Variants in CNTNAP3B observed in about 807,000 individuals in gnomAD.
The protein encoded by CNTNAP3B is contactin-associated protein-like 3B.
Under a neutral mutation model 108.9 loss-of-function variants are expected in CNTNAP3B, and 25 were observed. The ratio of observed to expected loss-of-function variants is 0.23; its 90% CI spans 0.17 to 0.32. The LOEUF (loss-of-function observed/expected upper bound fraction) is 0.32. Ranked by LOEUF, CNTNAP3B falls within the 10% of genes least tolerant of loss-of-function variation. The pLI, the probability that CNTNAP3B is intolerant of heterozygous loss-of-function variation, is 1.00. For missense variants in CNTNAP3B, 252 were observed against 1,210.4 expected, an observed-to-expected ratio of 0.21 and a Z score of 11.75; for synonymous variants, 103 against 473.4, an observed-to-expected ratio of 0.22 and a Z score of 10.16.
At chr9:42,051,722 CTTTT>C (rs1196622698) in intron 3 of CNTNAP3B, among the ~76,000 whole-genome samples, 1 of 148,384 alleles carries the variant, frequency 6.7e-6, no homozygotes, top group East Asian at 2.0e-4. Flanking sequence ...GGCCGTTTAA[CTTTT>C]TTTATTATTT....
intron 3 of CNTNAP3B, among the ~76,000 whole-genome samples, chr9:42,042,087 G>C (rs1587224256): frequency 7.0e-6 from 1 of 141,898 alleles, no homozygotes; most frequent in East Asian, 2.1e-4. Context: ...GGCCTGTCGT[G>C]GGGTGGTGGG....
intron 7 of CNTNAP3B, among the ~76,000 whole-genome samples, chr9:41,995,437 C>A (rs1426986474): frequency 9.1e-6 from 1 of 109,560 alleles, no homozygotes; most frequent in African/African-American, 4.0e-5. Context: ...AAGACTGCAT[C>A]TCAAAACAAA....
chr9:41,957,907 C>A (rs1196717889), intron 12 of CNTNAP3B, among the ~76,000 whole-genome samples: 6 of 151,984 alleles, frequency 3.9e-5, no homozygotes, highest in African/African-American at 1.4e-4. Context: ...ACTACAGGCA[C>A]CCGCCACTAC....
intron 1 of CNTNAP3B, among the ~76,000 whole-genome samples, chr9:42,113,213 G>T (rs1477030666): frequency 7.4e-6 from 1 of 134,482 alleles, no homozygotes; most frequent in Non-Finnish European, 1.6e-5. Context: ...GCTGGATTGA[G>T]ATGAGATAAT....
chr9:41,927,473 G>GGGAAGGAT (rs1554737876), intron 15 of CNTNAP3B, among the ~76,000 whole-genome samples: 1 of 130,258 alleles, frequency 7.7e-6, no homozygotes, highest in Admixed American at 7.7e-5. Flanking sequence ...GGAGGGAGTG[G>GGGAAGGAT]GGAAGGAAGG....
intron 2 of CNTNAP3B, among the ~76,000 whole-genome samples, chr9:42,086,978 CTTT>C (rs1266070533): frequency 2.4e-5 from 3 of 122,476 alleles, no homozygotes; most frequent in African/African-American, 9.7e-5. Flanking sequence ...TTTGAGTCTT[CTTT>C]ATTTTCTAAT....
intron 13 of CNTNAP3B, among the ~76,000 whole-genome samples, 185 bp from the exon 14 acceptor site, chr9:41,938,585 C>T (rs1403906323): frequency 9.6e-4 from 146 of 152,322 alleles, no homozygotes; most frequent in Non-Finnish European, 1.4e-3. Flanking sequence ...CAATGTTTTT[C>T]CCCCAATATT....
intron 18 of CNTNAP3B, among the ~76,000 whole-genome samples, chr9:41,917,104 A>G (rs1480885846): frequency 6.6e-6 from 1 of 152,294 alleles, no homozygotes; most frequent in Non-Finnish European, 1.5e-5. Context: ...TTCAACCATT[A>G]TTTTTCAAAT....
intron 10 of CNTNAP3B, among the ~76,000 whole-genome samples, chr9:41,967,743 G>T (rs1405466876): frequency 6.6e-6 from 1 of 152,268 alleles, no homozygotes; most frequent in Non-Finnish European, 1.5e-5. Flanking sequence ...TAAAATTCAG[G>T]TTTTCAAAAT....
chr9:41,934,184 C>CATATATAT (rs1240048584), intron 14 of CNTNAP3B, among the ~76,000 whole-genome samples: 1,339 of 82,622 alleles, frequency 0.016, 1 homozygote, highest in South Asian at 0.032. Flanking sequence ...TATACACACA[C>CATATATAT]ACACATATAT....
At chr9:42,046,121 C>A (rs1219992523) in intron 3 of CNTNAP3B, among the ~76,000 whole-genome samples, 2 of 124,222 alleles carry the variant, frequency 1.6e-5, no homozygotes, top group Admixed American at 8.2e-5. Context: ...ACACAAGGAC[C>A]GGCCTGTGAG....
intron 12 of CNTNAP3B, among the ~76,000 whole-genome samples, chr9:41,956,665 C>T (rs1824871156): frequency 1.4e-5 from 2 of 147,404 alleles, no homozygotes; most frequent in South Asian, 4.4e-4. Context: ...TTTCATTTGT[C>T]TGAGAAAATC....
chr9:42,119,284 A>T (rs1828401934), intron 1 of CNTNAP3B, among the ~76,000 whole-genome samples: 1 of 126,722 alleles, frequency 7.9e-6, no homozygotes, highest in Non-Finnish European at 1.6e-5. Context: ...GATGTGAAGG[A>T]ACTCTTCAAG....
At chr9:41,921,281 A>G (rs1823660926) in intron 17 of CNTNAP3B, among the ~76,000 whole-genome samples, 2 of 152,244 alleles carry the variant, frequency 1.3e-5, no homozygotes, top group Admixed American at 6.5e-5. Context: ...TCTTGGTTTG[A>G]CCCCTCCGTG....
At position 41,995,730 on chromosome 9, in the gene CNTNAP3B, C is replaced by CAAA. The variant is rs1167589988; in HGVS notation, c.1071+472_1071+474dup. On this transcript the variant is annotated intron_variant, in intron 7 of 23. Transcript: ENST00000377561. ...TGGGTGACAGAGTGAGACTCCGTCTCAAAAAAAAAAAAAAAAAAAAATTGG... is the reference window on the plus strand; with the variant it reads ...TGGGTGACAGAGTGAGACTCCGTCTCAAAAAAAAAAAAAAAAAAAAAAAATTGG... 4.8e-4 allele frequency among the ~76,000 whole-genome samples: 32 copies of CAAA among 66,390 alleles called. 1 individual carries two copies. The highest frequency in any genetic ancestry group is 3.3e-3 in the East Asian group (7 of 2,108). The allele number at this position is 66,390 out of a possible 152,430, so 43.6% of individuals were successfully genotyped here. A position where few individuals can be genotyped will look rare whatever the true frequency, so the allele number is the denominator to read the frequency against.
intron 13 of CNTNAP3B, among the ~76,000 whole-genome samples, chr9:41,948,400 C>T (rs1824590723): frequency 6.6e-6 from 1 of 152,190 alleles, no homozygotes; most frequent in African/African-American, 2.4e-5. Flanking sequence ...CTGGAGAATT[C>T]TACCAAATGT....
At chr9:41,923,589 C>T (rs966133826) in intron 16 of CNTNAP3B, among the ~76,000 whole-genome samples, 2 of 152,282 alleles carry the variant, frequency 1.3e-5, no homozygotes, top group African/African-American at 4.8e-5. Flanking sequence ...TGGCAAAACC[C>T]CACCTCTACC....
chr9:41,945,867 C>A (rs1414712803), intron 13 of CNTNAP3B, among the ~76,000 whole-genome samples: 5 of 151,876 alleles, frequency 3.3e-5, no homozygotes, highest in Non-Finnish European at 7.4e-5. Context: ...TATAAAATAG[C>A]GGGTAGATTT....
rs539823892 is a variant in CNTNAP3B at position 42,121,191 on chromosome 9, C to T, written c.85+7819G>A. Among the ~76,000 whole-genome samples, 878 of 138,292 alleles carry T rather than the reference C, an allele frequency of 6.3e-3. 191 individuals carry two copies. The highest frequency in any genetic ancestry group is 0.024 in the African/African-American group (834 of 34,676). The allele number at this position is 138,292 out of a possible 152,430, so 90.7% of individuals were successfully genotyped here. ...CTCTCAGAGGCACAGCTGTGAAACA[C>T]ATTCTACCGGCTTCCTGAGAGCTTC... On this transcript the variant is annotated intron_variant, in intron 1 of 23. Transcript: ENST00000377561.
Sources: allele counts gnomAD v4.1 joint callset (sites outside exome capture counted in the v4.1 genomes callset), GRCh38; gene constraint gnomAD v4.1.1; transcripts MANE v1.5; gene names NCBI Gene and HGNC (gene_info 2026-07-23, HGNC 2026-07-21).